LRP2: variants seen among roughly 807,000 people sequenced by gnomAD.
LRP2 encodes low-density lipoprotein receptor-related protein 2.
Under a neutral mutation model 531.0 loss-of-function variants are expected in LRP2, and 172 were observed. The observed-to-expected ratio is 0.32, with a 90% CI of 0.29 to 0.37. LRP2 has a LOEUF of 0.37. Ranked by LOEUF, LRP2 falls within the 10% of genes least tolerant of loss-of-function variation. LRP2 has a pLI of 1.00. For synonymous variants in LRP2, 1,992 were observed against 2,027.6 expected (o/e 0.98, Z 0.47); for missense variants, 5,167 against 5,868.3 (o/e 0.88, Z 3.90).
intron 69 of LRP2, 77 bp from the exon 70 acceptor site, chr2:169,146,000 A>C: frequency 1.6e-6 from 2 of 1,259,092 alleles, no homozygotes; most frequent in South Asian, 1.2e-5. Context: ...CGCCACTTCT[A>C]GATCTGATGT....
intron 1 of LRP2, among the ~76,000 whole-genome samples, chr2:169,323,794 T>C (rs1028558790): frequency 2.6e-5 from 4 of 151,322 alleles, no homozygotes; most frequent in African/African-American, 7.3e-5. Flanking sequence ...TTGCAAATAA[T>C]CATTTATGTA....
rs576204385 is a variant in LRP2 at position 169,248,891 on chromosome 2, C to T, written c.2771-1376G>A. ...GGGGTGACGGTCGCACCTGGAAAAT[C>T]GGGTCACTCCCACCCGAATATTGCG... On this transcript the variant is annotated intron_variant, in intron 19 of 78. Transcript: ENST00000649046. 8.7e-3 allele frequency among the ~76,000 whole-genome samples: 929 copies of T among 106,718 alleles called. 37 individuals carry two copies. The highest frequency in any genetic ancestry group is 0.036 in the African/African-American group (885 of 24,722). The allele number at this position is 106,718 out of a possible 152,430, so 70.0% of individuals were successfully genotyped here.
At position 169,307,414 on chromosome 2, in the gene LRP2, T is replaced by G. The variant is rs1276578507; in HGVS notation, c.311-17A>C. ...TACTTTGTGCTGCGAAGAGAAAAAATTATTACTTAATTTATAATTATTGCT... is the reference window on the plus strand; with the variant it reads ...TACTTTGTGCTGCGAAGAGAAAAAAGTATTACTTAATTTATAATTATTGCT... On this transcript the variant is annotated splice_polypyrimidine_tract_variant and intron_variant, in intron 3 of 78. Coordinates refer to ENST00000649046, the MANE Select transcript of LRP2 (RefSeq NM_004525.3). 1.5e-6 allele frequency: 2 copies of G among 1,364,606 alleles called. No individual in the cohort carries two copies. Among genetic ancestry groups the G allele is most frequent in the Middle Eastern group, 1.8e-4 (1 of 5,564 alleles). The allele number at this position is 1,364,606 out of a possible 1,614,324, so 84.5% of individuals were successfully genotyped here.
At chr2:169,356,266 T>C (rs972027763) in intron 1 of LRP2, among the ~76,000 whole-genome samples, 2 of 152,234 alleles carry the variant, frequency 1.3e-5, no homozygotes, top group Non-Finnish European at 2.9e-5. Context: ...TTCACCAACA[T>C]AACAGTACTG....
At chr2:169,333,854 T>G (rs1165376385) in intron 1 of LRP2, among the ~76,000 whole-genome samples, 2 of 152,180 alleles carry the variant, frequency 1.3e-5, no homozygotes, top group Non-Finnish European at 2.9e-5. Flanking sequence ...ATGCCTGGGC[T>G]CAAATAGCAT....
chr2:169,151,144 T>A (rs1012395926), intron 67 of LRP2, 118 bp from the exon 68 acceptor site: 5 of 1,016,922 alleles, frequency 4.9e-6, no homozygotes, highest in African/African-American at 3.2e-5. Context: ...CAGATACCTA[T>A]CATCAGACCA....
intron 38 of LRP2, among the ~76,000 whole-genome samples, chr2:169,207,500 T>C (rs1343570428): frequency 6.6e-6 from 1 of 152,208 alleles, no homozygotes; most frequent in African/African-American, 2.4e-5. Context: ...TTAGAATTCA[T>C]AGCAACATCA....
chr2:169,308,530 T>C (rs1021339647), intron 3 of LRP2, among the ~76,000 whole-genome samples: 1 of 152,208 alleles, frequency 6.6e-6, no homozygotes, highest in Non-Finnish European at 1.5e-5. Context: ...GCTTCATCCA[T>C]GTCCCTACAA....
At chr2:169,303,044 T>C (rs183720340) in intron 4 of LRP2, among the ~76,000 whole-genome samples, 128 of 152,214 alleles carry the variant, frequency 8.4e-4, no homozygotes, top group Admixed American at 2.6e-3. Context: ...GGTGGAATTA[T>C]ACAATGTCTA....
Position 169,206,664 on chromosome 2 carries a change from C to G in LRP2, c.7056G>C (p.Gly2352=). 6.2e-7 allele frequency: 1 copy of G among 1,614,100 alleles called. No homozygotes were observed. The highest frequency in any genetic ancestry group is 8.5e-7 in the Non-Finnish European group (1 of 1,180,012). Residue 2352 remains glycine (G), a synonymous_variant, in exon 39 of 79, where the codon GGG becomes GGC. Transcript: ENST00000649046. ...GCAGAGCAAAGCAGAGATGAGAGCA[C>G]CCACCATTGTTTTCCAAGCAAGGGT... ...NNNPCLENNG[G]CSHLCFALPG...
At chr2:169,145,494 T>C (rs1685873943) in intron 70 of LRP2, among the ~76,000 whole-genome samples, 1 of 152,186 alleles carries the variant, frequency 6.6e-6, no homozygotes, top group South Asian at 2.1e-4. Flanking sequence ...CTCCAAACAA[T>C]GATGAGGGCT....
At chr2:169,234,911 TG>T (rs1689546840) in intron 29 of LRP2, among the ~76,000 whole-genome samples, 2 of 104,092 alleles carry the variant, frequency 1.9e-5, no homozygotes, top group Middle Eastern at 5.7e-3. Flanking sequence ...AGTTAATTTT[TG>T]TTTTTTTTTT....
chr2:169,186,066 A>C (rs748053325), intron 49 of LRP2, 47 bp from the exon 50 acceptor site: 4 of 1,535,812 alleles, frequency 2.6e-6, no homozygotes, highest in Non-Finnish European at 2.7e-6. Context: ...ATCAACGACC[A>C]ACTCACTATA....
intron 13 of LRP2, among the ~76,000 whole-genome samples, chr2:169,275,975 G>A (rs921359919): frequency 2.6e-5 from 4 of 151,964 alleles, no homozygotes; most frequent in East Asian, 1.9e-4. Flanking sequence ...GGCAGAGGAC[G>A]GTTGATATGG....
At chr2:169,247,590 T>C (rs1690061415) in intron 19 of LRP2, 75 bp from the exon 20 acceptor site, 3 of 1,506,840 alleles carry the variant, frequency 2.0e-6, no homozygotes, top group African/African-American at 2.7e-5. Context: ...GAAAATGCAA[T>C]AGGCTTGAAA....
chr2:169,241,499 G>A (rs1037590044), intron 24 of LRP2, 134 bp from the exon 25 acceptor site: 1 of 949,640 alleles, frequency 1.1e-6, no homozygotes, highest in Non-Finnish European at 1.7e-6. Flanking sequence ...TAATATTTAA[G>A]GCTAAATGAT....
chr2:169,182,227 T>C lies in LRP2; in HGVS notation c.9938A>G (p.Asp3313Gly). Reference sequence around the variant, plus strand: ...ATCAAAGCAGAAGGTGTTGTTGGCATCCACACAGTGCTGGGCCAGCATGCG... The same window carrying C: ...ATCAAAGCAGAAGGTGTTGTTGGCACCCACACAGTGCTGGGCCAGCATGCG... ...HRRMLAQHCVDANNTFCFDNP... is the reference protein window; with the variant it reads ...HRRMLAQHCVGANNTFCFDNP... The change falls in exon 51 of 79, where the codon GAT becomes GGT. Residue 3313 changes from aspartate (D) to glycine (G), a missense_variant. Coordinates refer to ENST00000649046, the MANE Select transcript of LRP2 (RefSeq NM_004525.3). The C allele has an allele frequency of 1.2e-6, 2 of 1,614,122 alleles. No homozygotes were observed. The highest frequency in any genetic ancestry group is 1.7e-6 in the Non-Finnish European group (2 of 1,179,996).
At chr2:169,188,294 A>G in intron 48 of LRP2, 29 bp from the exon 49 acceptor site, 1 of 1,612,512 alleles carries the variant, frequency 6.2e-7, no homozygotes, top group Non-Finnish European at 8.5e-7. Context: ...TACCACTTTC[A>G]GAGAGGTTGG....
Position 169,146,814 on chromosome 2 carries a change from A to G in LRP2, c.12736T>C (p.Trp4246Arg). Residue 4246 changes from tryptophan (W) to arginine (R), a missense_variant, in exon 69 of 79, where the codon TGG (tryptophan) becomes CGG (arginine). Trp to Arg is a moderately radical substitution (Grantham distance 101, BLOSUM62 -3). Coordinates refer to ENST00000649046, the MANE Select transcript of LRP2 (RefSeq NM_004525.3). ...ATAACGTCCTCCTTGAAGTCACTCCAGTAGATTCGGTCATTGTTCAAATAA... is the reference window on the plus strand; with the variant it reads ...ATAACGTCCTCCTTGAAGTCACTCCGGTAGATTCGGTCATTGTTCAAATAA... ...IDYLNNDRIY[W>R]SDFKEDVIET... is the part of the protein sequence containing the mutation. 6.2e-7 allele frequency: 1 copy of G among 1,614,216 alleles called. No homozygotes were observed.
Sources: gnomAD v4.1 joint callset for allele counts (sites outside exome capture counted in the v4.1 genomes callset) on GRCh38, gnomAD v4.1.1 for gene constraint, MANE v1.5 for transcripts, NCBI Gene and HGNC (gene_info 2026-07-23, HGNC 2026-07-21) for gene names.